PDE10A: variants seen among roughly 807,000 people sequenced by gnomAD.
PDE10A encodes the protein phosphodiesterase 10A, also known as cAMP and cAMP-inhibited cGMP 3',5'-cyclic phosphodiesterase 10A.
A neutral mutation model predicts 97.7 loss-of-function variants in PDE10A; 39 were observed. That is an observed-to-expected ratio of 0.40 (90% confidence interval 0.31 to 0.52). The LOEUF (loss-of-function observed/expected upper bound fraction) is 0.52, where lower values mean the gene tolerates loss of function less well. Ranked by LOEUF, PDE10A falls within the 20% of genes least tolerant of loss-of-function variation. The probability of loss-of-function intolerance (pLI) is 0.56; values close to 1 mark genes in which losing one functional copy is unlikely to be tolerated. For missense variants in PDE10A, 731 were observed against 1,047.8 expected (o/e 0.70, Z 4.17); for synonymous variants, 371 against 376.8 (o/e 0.98, Z 0.18).
intron 1 of PDE10A, among the ~76,000 whole-genome samples, chr6:165,608,991 G>A (rs1787362635): frequency 6.6e-6 from 1 of 152,086 alleles, no homozygotes; most frequent in Non-Finnish European, 1.5e-5. Flanking sequence ...TGAGTTCTTT[G>A]TAGATTCTGG....
At chr6:165,718,976 A>G (rs981691888) in intron 1 of PDE10A, among the ~76,000 whole-genome samples, 27 of 152,188 alleles carry the variant, frequency 1.8e-4, no homozygotes, top group Admixed American at 1.8e-3. Flanking sequence ...TGTTAAAATA[A>G]AAGAATGTTA....
chr6:165,890,636 A>G (rs1234037523), intron 1 of PDE10A, among the ~76,000 whole-genome samples: 1 of 152,040 alleles, frequency 6.6e-6, no homozygotes, highest in African/African-American at 2.4e-5. Context: ...AGTGGATCTC[A>G]AGTAGGCGCA....
intron 1 of PDE10A, among the ~76,000 whole-genome samples, chr6:165,575,614 A>ACATGAT: frequency 6.6e-6 from 1 of 152,196 alleles, no homozygotes; most frequent in African/African-American, 2.4e-5. Context: ...CAATCCTGAA[A>ACATGAT]CATGATCAAC....
chr6:165,414,410 A>G (rs1350504125), intron 12 of PDE10A, among the ~76,000 whole-genome samples: 3 of 152,240 alleles, frequency 2.0e-5, no homozygotes, highest in South Asian at 4.1e-4. Flanking sequence ...AACGGTAGGT[A>G]GTTACATGGG....
intron 5 of PDE10A, among the ~76,000 whole-genome samples, chr6:165,444,207 C>A (rs1335816051): frequency 6.6e-6 from 1 of 152,182 alleles, no homozygotes; most frequent in African/African-American, 2.4e-5. Context: ...TTCAACAAGT[C>A]TCTTGGAAGT....
intron 21 of PDE10A, among the ~76,000 whole-genome samples, chr6:165,333,806 C>T (rs1310876918): frequency 6.6e-6 from 1 of 152,200 alleles, no homozygotes; most frequent in African/African-American, 2.4e-5. Context: ...ATCACAACCA[C>T]TGCACAACCA....
intron 1 of PDE10A, among the ~76,000 whole-genome samples, chr6:165,860,721 G>A (rs1341955992): frequency 1.3e-5 from 2 of 152,212 alleles, no homozygotes; most frequent in Non-Finnish European, 2.9e-5. Flanking sequence ...TGTGAGTAAT[G>A]AGGGAGCTGC....
intron 1 of PDE10A, among the ~76,000 whole-genome samples, chr6:165,920,124 A>T (rs923214943): frequency 6.6e-6 from 1 of 152,200 alleles, no homozygotes; most frequent in Admixed American, 6.5e-5. Context: ...TTGGATACAT[A>T]TTTCTGTGGT....
intron 18 of PDE10A, 68 bp from the exon 19 acceptor site, chr6:165,343,570 T>C: frequency 1.8e-6 from 2 of 1,103,474 alleles, no homozygotes; most frequent in South Asian, 1.2e-5. Context: ...CTAGAAAGAC[T>C]TCTGTATTTC....
chr6:165,818,765 C>T (rs568447992), intron 1 of PDE10A, among the ~76,000 whole-genome samples: 1 of 152,294 alleles, frequency 6.6e-6, no homozygotes, highest in East Asian at 1.9e-4. Context: ...AATGTTCTCA[C>T]GAATTTATTT....
chr6:165,396,302 G>C lies in PDE10A; in HGVS notation c.2219+15C>G, dbSNP rs779383491. 3 of 1,607,574 alleles carry C rather than the reference G, an allele frequency of 1.9e-6. No individual in the cohort carries two copies. The highest frequency in any genetic ancestry group is 8.5e-7 in the Non-Finnish European group (1 of 1,177,002). ...AAAATGGTTCCTGAAGAAACTGACAGAGCAACATACTTACAATTCAATTTC... is the reference window on the plus strand; with the variant it reads ...AAAATGGTTCCTGAAGAAACTGACACAGCAACATACTTACAATTCAATTTC... On this transcript the variant is annotated intron_variant, in intron 14 of 21. Coordinates refer to ENST00000539869, the MANE Select transcript of PDE10A (RefSeq NM_001385079.1).
chr6:165,890,295 A>C (rs1781756376), intron 1 of PDE10A, among the ~76,000 whole-genome samples: 1 of 152,116 alleles, frequency 6.6e-6, no homozygotes, highest in South Asian at 2.1e-4. Flanking sequence ...TGGAAAGACC[A>C]CACCGCGGAG....
chr6:165,548,073 T>C (rs779012826), intron 1 of PDE10A, among the ~76,000 whole-genome samples: 9 of 152,032 alleles, frequency 5.9e-5, no homozygotes, highest in Non-Finnish European at 8.8e-5. Flanking sequence ...ACCATCACAA[T>C]TCATAGCCAA....
intron 5 of PDE10A, among the ~76,000 whole-genome samples, chr6:165,438,440 AG>A (rs1790198209): frequency 1.3e-5 from 2 of 152,168 alleles, no homozygotes; most frequent in Admixed American, 6.5e-5. Context: ...CACCCGCCTC[AG>A]CCTCCCAAAG....
At chr6:165,420,607 T>A (rs1788624721) in intron 10 of PDE10A, among the ~76,000 whole-genome samples, 2 of 152,246 alleles carry the variant, frequency 1.3e-5, no homozygotes, top group Admixed American at 1.3e-4. Flanking sequence ...TGAGGTAATG[T>A]CAGTTGCTTA....
At chr6:165,562,304 T>C (rs1257805525) in intron 1 of PDE10A, among the ~76,000 whole-genome samples, 1 of 152,192 alleles carries the variant, frequency 6.6e-6, no homozygotes, top group African/African-American at 2.4e-5. Flanking sequence ...ATTAAATCTA[T>C]ATACCTGAAG....
intron 5 of PDE10A, among the ~76,000 whole-genome samples, chr6:165,446,589 T>C (rs1391728787): frequency 6.6e-6 from 1 of 152,186 alleles, no homozygotes; most frequent in Admixed American, 6.5e-5. Context: ...AAAGCTGACA[T>C]TCTAGCAAGA....
intron 3 of PDE10A, among the ~76,000 whole-genome samples, chr6:165,478,291 T>C (rs185057855): frequency 6.5e-4 from 99 of 152,256 alleles, no homozygotes; most frequent in African/African-American, 2.2e-3. Flanking sequence ...TCACCCACCA[T>C]ATACAACTAC....
chr6:165,802,585 C>T (rs1461687776), intron 1 of PDE10A, among the ~76,000 whole-genome samples: 1 of 152,198 alleles, frequency 6.6e-6, no homozygotes, highest in African/African-American at 2.4e-5. Flanking sequence ...TATGCAACCA[C>T]GGGGGCCCTC....
Sources: allele counts gnomAD v4.1 joint callset (sites outside exome capture counted in the v4.1 genomes callset), GRCh38; gene constraint gnomAD v4.1.1; transcripts MANE v1.5; gene names NCBI Gene and HGNC (gene_info 2026-07-23, HGNC 2026-07-21).